The following SASH1 variants were observed in gnomAD, a reference collection of about 807,000 sequenced individuals.
The protein encoded by SASH1 is SAM and SH3 domain-containing protein 1.
In SASH1, 44 loss-of-function variants were observed where a neutral mutation model predicts 125.2. The observed-to-expected ratio is 0.35, with a 90% CI of 0.28 to 0.45. SASH1 has a LOEUF of 0.45. Among genes scored for constraint, SASH1 ranks in the 20% least tolerant of loss-of-function variants. The pLI, the probability that SASH1 is intolerant of heterozygous loss-of-function variation, is 1.00. For synonymous variants in SASH1, 639 were observed against 649.1 expected, an observed-to-expected ratio of 0.98 and a Z score of 0.24; for missense variants, 1,426 against 1,614.5, an observed-to-expected ratio of 0.88 and a Z score of 2.00.
chr6:148,404,422 C>G (rs1482569038), intron 2 of SASH1, among the ~76,000 whole-genome samples: 1 of 151,778 alleles, frequency 6.6e-6, no homozygotes, highest in Non-Finnish European at 1.5e-5. Context: ...AGGCTGTTGT[C>G]TTAAAATGGG....
rs138571273 is a variant in SASH1 at position 148,544,660 on chromosome 6, C to T, written c.3190C>T (p.Leu1064Phe). The change falls in exon 18 of 20, where the codon CTC (leucine) becomes TTC (phenylalanine). Residue 1064 changes from leucine to phenylalanine, a missense_variant. Physicochemically the swap from Leu to Phe is conservative, Grantham distance 22 (BLOSUM62 0). Coordinates refer to ENST00000367467, the MANE Select transcript of SASH1 (RefSeq NM_015278.5). This position sits in a 1 kb window ranked among gnomAD's most constrained non-coding sequence, Gnocchi z 6.4. ...STRPPPWLSE[L>F]PENTSLQEHG... ...AAGGCCGCCCCCCTGGCTCTCAGAG[C>T]TCCCCGAGAACACAAGCCTCCAGGA... The T allele has an allele frequency of 8.5e-5, 137 of 1,613,234 alleles. No individual in the cohort carries two copies. Among genetic ancestry groups the T allele is most frequent in the Non-Finnish European group, 1.1e-4 (132 of 1,179,756 alleles).
intron 1 of SASH1, among the ~76,000 whole-genome samples, chr6:148,322,194 TACA>T (rs1447707122): frequency 2.6e-5 from 4 of 151,878 alleles, no homozygotes; most frequent in Non-Finnish European, 5.9e-5. Context: ...CTACTAAAAA[TACA>T]ACAATTAGCC....
intron 1 of SASH1, among the ~76,000 whole-genome samples, chr6:148,273,622 A>AG (rs1478076532): frequency 6.6e-6 from 1 of 152,110 alleles, no homozygotes; most frequent in Non-Finnish European, 1.5e-5. Flanking sequence ...AAAAAAAAAA[A>AG]TAGATTTGTT....
intron 4 of SASH1, among the ~76,000 whole-genome samples, chr6:148,448,158 G>A (rs997797075): frequency 4.0e-5 from 6 of 151,120 alleles, no homozygotes; most frequent in South Asian, 4.2e-4. Flanking sequence ...GTGTGCGTGC[G>A]TGCGTGCGTT....
At position 148,519,387 on chromosome 6, in the gene SASH1, A is replaced by G. The variant is rs889773562; in HGVS notation, c.863-160A>G. ...TTTAACATTAAGCTCATGTGAAACCATGTATTTGCACAGTGTATTTTCATT... is the reference window on the plus strand; with the variant it reads ...TTTAACATTAAGCTCATGTGAAACCGTGTATTTGCACAGTGTATTTTCATT... On this transcript the variant is annotated intron_variant, in intron 9 of 19. Transcript: ENST00000367467. This position sits in a 1 kb window ranked among gnomAD's most constrained non-coding sequence, Gnocchi z 4.8. Among the ~76,000 whole-genome samples, 9 of 152,250 alleles carry G rather than the reference A, an allele frequency of 5.9e-5. No homozygotes were observed. The highest frequency in any genetic ancestry group is 1.0e-4 in the Non-Finnish European group (7 of 68,048).
At chr6:148,286,969 AC>A (rs1180319484) in intron 1 of SASH1, among the ~76,000 whole-genome samples, 2 of 151,654 alleles carry the variant, frequency 1.3e-5, no homozygotes, top group East Asian at 3.9e-4. Flanking sequence ...CTTCCATACC[AC>A]CCTGCACCCT....
intron 1 of SASH1, among the ~76,000 whole-genome samples, chr6:148,319,638 C>T (rs1780587811): frequency 6.6e-6 from 1 of 152,086 alleles, no homozygotes; most frequent in Admixed American, 6.5e-5. Flanking sequence ...CCTCAGGCTC[C>T]CGAGTAGCTG....
chr6:148,340,445 T>C (rs901067446), upstream of SASH1, among the ~76,000 whole-genome samples: 1 of 150,188 alleles, frequency 6.7e-6, no homozygotes, highest in Non-Finnish European at 1.5e-5. Flanking sequence ...ATGGTGCCAC[T>C]GCACTCCAGC....
At chr6:148,196,527 C>A in the SASH1 span, among the ~76,000 whole-genome samples, 1 of 152,182 alleles carries the variant, frequency 6.6e-6, no homozygotes, top group African/African-American at 2.4e-5. Flanking sequence ...CAAGAGACCC[C>A]AGCCATCTTT....
At chr6:148,481,452 T>C (rs1008994694) in intron 7 of SASH1, among the ~76,000 whole-genome samples, 5 of 152,220 alleles carry the variant, frequency 3.3e-5, no homozygotes, top group African/African-American at 1.2e-4. Flanking sequence ...GCCTCGCTTT[T>C]AGCTTACCCT....
intron 12 of SASH1, among the ~76,000 whole-genome samples, chr6:148,527,890 C>T (rs1458391488): frequency 1.3e-5 from 2 of 150,948 alleles, no homozygotes; most frequent in Admixed American, 1.3e-4. Flanking sequence ...GTGCACTAAG[C>T]GTTGTAAATT....
the SASH1 span, among the ~76,000 whole-genome samples, chr6:148,233,408 ACCTTTTTT>A: frequency 6.6e-6 from 1 of 151,958 alleles, no homozygotes; most frequent in Non-Finnish European, 1.5e-5. Flanking sequence ...CCCAGTGTCC[ACCTTTTTT>A]CCTTTCTTCT....
At chr6:148,537,057 C>T (rs973820816) in intron 16 of SASH1, among the ~76,000 whole-genome samples, 7 of 152,156 alleles carry the variant, frequency 4.6e-5, no homozygotes, top group African/African-American at 1.7e-4. Flanking sequence ...TTTTTACATC[C>T]AATACAGTTA....
the SASH1 span, among the ~76,000 whole-genome samples, chr6:148,229,902 G>A: frequency 6.6e-6 from 1 of 152,036 alleles, no homozygotes; most frequent in African/African-American, 2.4e-5. Context: ...AGCAGAGACG[G>A]GGTTTCGCCA....
intron 2 of SASH1, among the ~76,000 whole-genome samples, chr6:148,392,710 G>C (rs1783781340): frequency 6.6e-6 from 1 of 152,190 alleles, no homozygotes; most frequent in Admixed American, 6.5e-5. Context: ...TGCAGGGATG[G>C]GAGTTAGTTT....
chr6:148,429,649 G>A (rs1019829722), intron 2 of SASH1, among the ~76,000 whole-genome samples: 12 of 151,608 alleles, frequency 7.9e-5, no homozygotes, highest in East Asian at 5.8e-4. Context: ...AGCCTCAGGC[G>A]GGAGGATCAC....
chr6:148,210,232 A>G, the SASH1 span, among the ~76,000 whole-genome samples: 1 of 152,214 alleles, frequency 6.6e-6, no homozygotes, highest in South Asian at 2.1e-4. Flanking sequence ...TTAATTGAAA[A>G]TGCTGCAAAA....
intron 1 of SASH1, among the ~76,000 whole-genome samples, chr6:148,358,224 T>C (rs1484601761): frequency 3.9e-5 from 6 of 152,300 alleles, no homozygotes; most frequent in Admixed American, 3.9e-4. Context: ...ATTTCAAGTC[T>C]TGATGTATAA....
chr6:148,341,349 T>C (rs1017122065), upstream of SASH1, among the ~76,000 whole-genome samples: 48 of 150,092 alleles, frequency 3.2e-4, 2 homozygotes. Context: ...TTTTTTGTAT[T>C]TTTAGTAGAG....
Sources: allele counts gnomAD v4.1 joint callset (sites outside exome capture counted in the v4.1 genomes callset), GRCh38; gene constraint gnomAD v4.1.1; non-coding constraint Gnocchi (gnomAD v3.1); transcripts MANE v1.5; gene names NCBI Gene and HGNC (gene_info 2026-07-23, HGNC 2026-07-21).